Variants in ABCB5 observed in about 807,000 individuals in gnomAD.
ABCB5 encodes ATP-binding cassette sub-family B member 5.
In ABCB5, 155 loss-of-function variants were observed where a neutral mutation model predicts 144.2. That is an observed-to-expected ratio of 1.08 (90% CI 0.94 to 1.23). ABCB5 has a LOEUF of 1.23. ABCB5 is among the 50% of genes most tolerant of loss of function. The pLI is 0.00. For missense variants in ABCB5, 1,830 were observed against 1,520.8 expected (o/e 1.20, Z -3.38); for synonymous variants, 610 against 528.6 (o/e 1.15, Z -2.11).
chr7:20,630,383 T>C (rs1311994733), intron 4 of ABCB5, among the ~76,000 whole-genome samples: 1 of 151,682 alleles, frequency 6.6e-6, no homozygotes, highest in Non-Finnish European at 1.5e-5. Flanking sequence ...AAAAAGCAAA[T>C]CTTTAAAGCA....
chr7:20,646,219 A>T, intron 9 of ABCB5, 81 bp downstream of exon 9: 2 of 1,325,542 alleles, frequency 1.5e-6, no homozygotes, highest in Non-Finnish European at 2.1e-6. Flanking sequence ...CTTTGAAGAT[A>T]AATATTCAAA....
chr7:20,751,332 C>T (rs1055172558), intron 26 of ABCB5, among the ~76,000 whole-genome samples: 3 of 152,166 alleles, frequency 2.0e-5, no homozygotes, highest in South Asian at 4.2e-4. Context: ...ATTAGCCAGG[C>T]GTGGTGGCGG....
Position 20,743,086 on chromosome 7 carries a change from C to T in ABCB5, c.3222+12C>T, listed in dbSNP as rs1782613458. On this transcript the variant is annotated intron_variant, in intron 25 of 27. Transcript: ENST00000404938. ...TGCAAGGACAAGTGGTAAGACAGAACTGAAACACACCTAATCTGGGGGTTA... is the reference window on the plus strand; with the variant it reads ...TGCAAGGACAAGTGGTAAGACAGAATTGAAACACACCTAATCTGGGGGTTA... 3 of 1,612,768 alleles carry T rather than the reference C, an allele frequency of 1.9e-6. No individual in the cohort carries two copies. Among genetic ancestry groups the T allele is most frequent in the Non-Finnish European group, 2.5e-6 (3 of 1,179,254 alleles).
intron 25 of ABCB5, among the ~76,000 whole-genome samples, chr7:20,743,498 C>A (rs1782625478): frequency 6.6e-6 from 1 of 152,168 alleles, no homozygotes; most frequent in Non-Finnish European, 1.5e-5. Flanking sequence ...AAACTTTATG[C>A]ACGGTTAAGG....
Position 20,643,173 on chromosome 7 carries a change from T to C in ABCB5, c.315-11T>C. On this transcript the variant is annotated splice_polypyrimidine_tract_variant and intron_variant, in intron 5 of 27. Transcript: ENST00000404938. ...GTGCTTCAGTCTCACATTCTAATAC[T>C]CTTTCTTCAGGTTGACCCTGTATTA... The C allele has an allele frequency of 6.3e-7, 1 of 1,596,188 alleles. No individual in the cohort carries two copies.
At chr7:20,627,090 G>A (rs755058899) in intron 3 of ABCB5, among the ~76,000 whole-genome samples, 3 of 152,132 alleles carry the variant, frequency 2.0e-5, no homozygotes, top group African/African-American at 4.8e-5. Context: ...ATCAGATAAT[G>A]TGTCTGTACA....
At chr7:20,667,704 C>G (rs868571049) in intron 14 of ABCB5, 10 of 141,242 alleles carry the variant, frequency 7.1e-5, no homozygotes, top group Non-Finnish European at 8.1e-5. Context: ...TGCCCCTGCC[C>G]CTGCCCCTGC....
At chr7:20,665,724 A>AAGATGAT (rs1785155711) in intron 14 of ABCB5, among the ~76,000 whole-genome samples, 1 of 134,504 alleles carries the variant, frequency 7.4e-6, no homozygotes, top group Non-Finnish European at 1.6e-5. Context: ...TAGAGATGGA[A>AAGATGAT]AGATAGATAG....
chr7:20,680,540 A>G (rs1283355868), intron 14 of ABCB5, among the ~76,000 whole-genome samples: 1 of 150,812 alleles, frequency 6.6e-6, no homozygotes, highest in East Asian at 2.0e-4. Context: ...ACTGCACTCC[A>G]GCCTGGGCGA....
chr7:20,651,143 T>C (rs550494038), intron 12 of ABCB5, among the ~76,000 whole-genome samples: 8 of 152,252 alleles, frequency 5.3e-5, no homozygotes, highest in Admixed American at 5.2e-4. Context: ...CTAGAGTATG[T>C]ATCTTTATAA....
At chr7:20,750,326 TGA>T (rs1782876509) in intron 26 of ABCB5, among the ~76,000 whole-genome samples, 1 of 117,658 alleles carries the variant, frequency 8.5e-6, no homozygotes, top group Non-Finnish European at 1.8e-5. Flanking sequence ...TACAATGCAC[TGA>T]GCAGCCTCAT....
chr7:20,735,824 T>C (rs185697199), intron 23 of ABCB5, among the ~76,000 whole-genome samples: 1 of 152,326 alleles, frequency 6.6e-6, no homozygotes, highest in African/African-American at 2.4e-5. Context: ...TCTCATGTCT[T>C]CTGGGCAAAT....
intron 20 of ABCB5, among the ~76,000 whole-genome samples, chr7:20,719,209 G>T (rs999888215): frequency 8.6e-5 from 13 of 151,898 alleles, no homozygotes; most frequent in African/African-American, 2.7e-4. Flanking sequence ...GGTCAATTCT[G>T]TCTTTCCAGG....
intron 19 of ABCB5, 43 bp downstream of exon 19, chr7:20,700,178 A>G: frequency 6.9e-7 from 1 of 1,441,348 alleles, no homozygotes; most frequent in Non-Finnish European, 9.4e-7. Flanking sequence ...TTTAAAATTT[A>G]TTGTAAAACA....
intron 25 of ABCB5, 132 bp downstream of exon 25, chr7:20,743,206 G>A: frequency 1.1e-6 from 1 of 924,214 alleles, no homozygotes; most frequent in South Asian, 1.7e-5. Context: ...AAAAATCTCT[G>A]TGTCAACCCT....
intron 26 of ABCB5, 69 bp from the exon 27 acceptor site, chr7:20,753,291 T>A: frequency 6.5e-7 from 1 of 1,539,246 alleles, no homozygotes. Flanking sequence ...TAGATGGTTC[T>A]CGCCCACAGT....
intron 23 of ABCB5, among the ~76,000 whole-genome samples, chr7:20,736,062 G>A (rs1312451703): frequency 6.6e-6 from 1 of 152,244 alleles, no homozygotes; most frequent in Non-Finnish European, 1.5e-5. Context: ...ATGAGCATGG[G>A]AATAATTTTA....
At chr7:20,635,577 A>T (rs933489642) in intron 5 of ABCB5, among the ~76,000 whole-genome samples, 1 of 146,136 alleles carries the variant, frequency 6.8e-6, no homozygotes, top group African/African-American at 2.5e-5. Context: ...ATCATCTGCA[A>T]TTCCTCTCAT....
chr7:20,741,570 T>C (rs1341976749), intron 24 of ABCB5, among the ~76,000 whole-genome samples: 2 of 34,172 alleles, frequency 5.9e-5, no homozygotes, highest in Admixed American at 9.0e-4. Context: ...TCCTTCCAGA[T>C]TTTTTTTTTC....
Sources: allele counts gnomAD v4.1 joint callset (sites outside exome capture counted in the v4.1 genomes callset), GRCh38; gene constraint gnomAD v4.1.1; transcripts MANE v1.5; gene names NCBI Gene and HGNC (gene_info 2026-07-23, HGNC 2026-07-21).